Variants in RIC1 observed in about 807,000 individuals in gnomAD.
RIC1 encodes the protein RIC1 partner of RAB6A GEF complex.
In RIC1, 88 loss-of-function variants were observed where a neutral mutation model predicts 169.0. The ratio of observed to expected loss-of-function variants is 0.52; its 90% CI spans 0.44 to 0.62. The LOEUF is 0.62. Among genes scored for constraint, RIC1 ranks in the 20% least tolerant of loss-of-function variants. The pLI is 0.00. For missense variants in RIC1, 1,877 were observed against 1,725.5 expected, an observed-to-expected ratio of 1.09 and a Z score of -1.56; for synonymous variants, 790 against 601.5, an observed-to-expected ratio of 1.31 and a Z score of -4.59.
intron 2 of RIC1, among the ~76,000 whole-genome samples, chr9:5,666,754 A>G (rs1172551999): frequency 2.0e-5 from 3 of 152,050 alleles, no homozygotes; most frequent in African/African-American, 7.2e-5. Flanking sequence ...TGTATGAAGT[A>G]TTTGCTGAGG....
chr9:5,678,309 C>A (rs995719552), intron 2 of RIC1, among the ~76,000 whole-genome samples: 1 of 152,072 alleles, frequency 6.6e-6, no homozygotes, highest in Non-Finnish European at 1.5e-5. Flanking sequence ...AGTAAACATA[C>A]GTGTGCATGT....
chr9:5,632,530 G>C (rs545089520), intron 1 of RIC1, among the ~76,000 whole-genome samples: 1 of 152,120 alleles, frequency 6.6e-6, no homozygotes, highest in East Asian at 1.9e-4. Flanking sequence ...CCTCTAGATA[G>C]TTACTTAGCT....
At chr9:5,735,415 G>A (rs1824638176) in intron 7 of RIC1, among the ~76,000 whole-genome samples, 1 of 152,126 alleles carries the variant, frequency 6.6e-6, no homozygotes, top group Non-Finnish European at 1.5e-5. Flanking sequence ...TTAGAATCCA[G>A]AAGAAGTACT....
chr9:5,691,043 A>G (rs1821565095), intron 3 of RIC1, among the ~76,000 whole-genome samples: 1 of 152,012 alleles, frequency 6.6e-6, no homozygotes, highest in Admixed American at 6.5e-5. Flanking sequence ...GTATAATAAA[A>G]GTTGTGTTGC....
At chr9:5,669,337 T>C (rs1361162427) in intron 2 of RIC1, among the ~76,000 whole-genome samples, 4 of 152,234 alleles carry the variant, frequency 2.6e-5, no homozygotes, top group African/African-American at 9.6e-5. Context: ...ATTATGTCTT[T>C]GTGTTCTCAC....
At position 5,743,733 on chromosome 9, in the gene RIC1, C is replaced by G; in HGVS notation, c.1091C>G (p.Ser364Cys). ...AAAAAAGATCCCCTTAAGATCAACT[C>G]TATGGTAAGTACTTTCTATAAAAAA... The part of the protein sequence containing the change: ...GTKKDPLKIN[S>C]MSWGAEGYHL... The change falls in exon 10 of 26, where the codon TCT becomes TGT. Residue 364 changes from serine (S) to cysteine (C), a missense_variant. Transcript: ENST00000414202. 6.2e-7 allele frequency: 1 copy of G among 1,606,420 alleles called. No homozygotes were observed. Among genetic ancestry groups the G allele is most frequent in the Non-Finnish European group, 8.5e-7 (1 of 1,174,552 alleles).
intron 2 of RIC1, among the ~76,000 whole-genome samples, chr9:5,670,259 G>C (rs1409989371): frequency 6.6e-6 from 1 of 152,208 alleles, no homozygotes; most frequent in African/African-American, 2.4e-5. Flanking sequence ...TAACTGCCAA[G>C]AGCTTTGCTG....
intron 14 of RIC1, 50 bp downstream of exon 14, chr9:5,753,696 T>A: frequency 1.1e-6 from 1 of 923,764 alleles, no homozygotes; most frequent in Non-Finnish European, 1.7e-6. Flanking sequence ...ATAAGAGAAC[T>A]ACAATATGAA....
chr9:5,722,949 G>C (rs1268637697), intron 6 of RIC1, among the ~76,000 whole-genome samples: 1 of 152,156 alleles, frequency 6.6e-6, no homozygotes, highest in African/African-American at 2.4e-5. Flanking sequence ...TCTTAATCCA[G>C]TCTGTCATTG....
At chr9:5,654,711 A>G (rs1818986813) in intron 1 of RIC1, among the ~76,000 whole-genome samples, 1 of 150,860 alleles carries the variant, frequency 6.6e-6, no homozygotes, top group Non-Finnish European at 1.5e-5. Flanking sequence ...ATGTAACCAC[A>G]CCTGGCTAAT....
rs1179321770 is a variant in RIC1, at chr9:5,629,315, T to C, written c.6T>C (p.Tyr2=). M[Y]FLSGWPKRLL... ...CCGGGGGCTCCGCACGGACCATGTA[T>C]TTTCTGAGCGGCTGGCCCAAGAGGC... The change falls in exon 1 of 26, where the codon TAT becomes TAC. Residue 2 remains tyrosine (Y), a synonymous_variant. Transcript: ENST00000414202. 1.3e-6 allele frequency: 2 copies of C among 1,523,084 alleles called. No homozygotes were observed. Among genetic ancestry groups the C allele is most frequent in the South Asian group, 1.2e-5 (1 of 82,226 alleles). The allele number at this position is 1,523,084 out of a possible 1,614,324, so 94.3% of individuals were successfully genotyped here.
At chr9:5,777,862 A>C (rs1827672529), downstream of RIC1, among the ~76,000 whole-genome samples, 1 of 152,074 alleles carries the variant, frequency 6.6e-6, no homozygotes, top group African/African-American at 2.4e-5. Context: ...CATTGCCTTG[A>C]TTTCTGTTGC....
At chr9:5,702,691 G>T (rs1046401601) in intron 3 of RIC1, among the ~76,000 whole-genome samples, 1 of 151,916 alleles carries the variant, frequency 6.6e-6, no homozygotes, top group South Asian at 2.1e-4. Context: ...GGCACACGCC[G>T]CCATGCCCGG....
At chr9:5,672,125 G>A (rs761039873) in intron 2 of RIC1, among the ~76,000 whole-genome samples, 5 of 152,198 alleles carry the variant, frequency 3.3e-5, no homozygotes, top group Non-Finnish European at 7.3e-5. Flanking sequence ...CCTCAGCTCA[G>A]CAGTATGTGA....
At chr9:5,736,125 C>G (rs1023199647) in intron 7 of RIC1, among the ~76,000 whole-genome samples, 1 of 152,190 alleles carries the variant, frequency 6.6e-6, no homozygotes, top group Non-Finnish European at 1.5e-5. Context: ...ATGGACTCCT[C>G]ACTAACATTT....
At chr9:5,673,555 T>TATATATATAA (rs1233980958) in intron 2 of RIC1, among the ~76,000 whole-genome samples, 4 of 144,394 alleles carry the variant, frequency 2.8e-5, no homozygotes, top group Non-Finnish European at 6.0e-5. Flanking sequence ...TATATATATA[T>TATATATATAA]ATAAATAAAT....
chr9:5,685,157 C>G (rs1821138110), intron 2 of RIC1, among the ~76,000 whole-genome samples: 1 of 151,024 alleles, frequency 6.6e-6, no homozygotes, highest in Admixed American at 6.6e-5. Context: ...ACATTCCATG[C>G]TCATGGGTAG....
At chr9:5,777,470 C>T (rs1827654900), downstream of RIC1, among the ~76,000 whole-genome samples, 1 of 151,608 alleles carries the variant, frequency 6.6e-6, no homozygotes, top group Admixed American at 6.6e-5. Flanking sequence ...GTGTTGTCAG[C>T]ATGTGATTAC....
rs139677710 is a variant in RIC1 at position 5,754,920 on chromosome 9, G to A, written c.1682G>A (p.Arg561His). 1.2e-4 allele frequency: 183 copies of A among 1,533,806 alleles called. No homozygotes were observed. Among genetic ancestry groups the A allele is most frequent in the Non-Finnish European group, 1.5e-4 (166 of 1,128,686 alleles). ...CTTGCGTGTTATAACATAAATGACC[G>A]TCAAGAAGAGGTAAGTTTTTTCTCT... Reference protein sequence around the residue: ...MVLACYNINDRQEELRVYLRT... With the variant: ...MVLACYNINDHQEELRVYLRT... The change falls in exon 15 of 26, where the codon CGT (arginine) becomes CAT (histidine). Residue 561 changes from arginine to histidine, a missense_variant. Physicochemically the swap from Arg to His is conservative, Grantham distance 29. Coordinates refer to ENST00000414202, the MANE Select transcript of RIC1 (RefSeq NM_020829.4).
Sources: allele counts gnomAD v4.1 joint callset (sites outside exome capture counted in the v4.1 genomes callset), GRCh38; gene constraint gnomAD v4.1.1; transcripts MANE v1.5; gene names NCBI Gene and HGNC (gene_info 2026-07-23, HGNC 2026-07-21).